The following ST14 variants were observed in gnomAD, a reference collection of about 807,000 sequenced individuals.
ST14 encodes the protein suppressor of tumorigenicity 14 protein.
ST14 carries 40 observed loss-of-function variants against 96.5 expected under a neutral mutation model. The ratio of observed to expected loss-of-function variants is 0.41; its 90% CI spans 0.32 to 0.54. ST14 has a LOEUF of 0.54. Ranked by LOEUF, ST14 falls within the 20% of genes least tolerant of loss-of-function variation. ST14 has a pLI of 0.17. For missense variants in ST14, 1,066 were observed against 1,188.9 expected (o/e 0.90, Z 1.52); for synonymous variants, 506 against 492.1 (o/e 1.03, Z -0.37).
chr11:130,188,962 G>C lies in ST14; in HGVS notation c.440+23G>C, dbSNP rs775669081. 1.2e-6 allele frequency: 2 copies of C among 1,600,512 alleles called. No homozygotes were observed. Among genetic ancestry groups the C allele is most frequent in the African/African-American group, 2.7e-5 (2 of 74,870 alleles). On this transcript the variant is annotated intron_variant, in intron 4 of 18. Coordinates refer to ENST00000278742, the MANE Select transcript of ST14 (RefSeq NM_021978.4). The surrounding 1 kb of genome is among the most constrained non-coding windows in gnomAD (Gnocchi z 5.4). The stretch of plus-strand genomic sequence containing the variant: ...CAGGTGGGTGTGGAGAGAAGGCTCA[G>C]TGGGATGCACCCCAGACTGGCTGGG...
In ST14 at chr11:130,181,755, A is replaced by G. The variant is rs1171058693; in HGVS notation, c.82-6359A>G. ...TCTTTCATCCTCAGTGTTCTTATCA[A>G]TAAAACGATGGGATTATGCAACAGT... On this transcript the variant is annotated intron_variant, in intron 1 of 18. Coordinates refer to ENST00000278742, the MANE Select transcript of ST14 (RefSeq NM_021978.4). This position sits in a 1 kb window ranked among gnomAD's most constrained non-coding sequence, Gnocchi z 4.1. Among the ~76,000 whole-genome samples, 1 of 152,214 alleles carries G rather than the reference A, an allele frequency of 6.6e-6. No individual in the cohort carries two copies. The highest frequency in any genetic ancestry group is 2.4e-5 in the African/African-American group (1 of 41,456).
At chr11:130,174,183 A>G (rs1053791959) in intron 1 of ST14, among the ~76,000 whole-genome samples, 1 of 151,756 alleles carries the variant, frequency 6.6e-6, no homozygotes, top group Admixed American at 6.6e-5. Flanking sequence ...CTGCTTTTCC[A>G]CCTCTGAGGT....
At position 130,200,076 on chromosome 11, in the gene ST14, C is replaced by T. The variant is rs200644856; in HGVS notation, c.1933C>T (p.Leu645Phe). ...LGQGHICGAS[L>F]ISPNWLVSAA... ...CCAGGGCCACATCTGCGGTGCTTCC[C>T]TCATCTCTCCCAACTGGCTGGTCTC... The change falls in exon 16 of 19, where the codon CTC becomes TTC. Residue 645 changes from leucine (L) to phenylalanine (F), a missense_variant. By Grantham distance (22) the Leu-to-Phe change is conservative. Coordinates refer to ENST00000278742, the MANE Select transcript of ST14 (RefSeq NM_021978.4). 95 of 1,614,126 alleles carry T rather than the reference C, an allele frequency of 5.9e-5. No homozygotes were observed. The highest frequency in any genetic ancestry group is 7.5e-5 in the Non-Finnish European group (89 of 1,180,052).
chr11:130,197,996 C>T, intron 12 of ST14, 51 bp downstream of exon 12: 1 of 1,517,640 alleles, frequency 6.6e-7, no homozygotes, highest in Non-Finnish European at 8.9e-7. Flanking sequence ...CCCACCCTGC[C>T]CGCGTCCCAT....
At chr11:130,197,764 G>A in intron 11 of ST14, 77 bp from the exon 12 acceptor site, 1 of 1,285,154 alleles carries the variant, frequency 7.8e-7, no homozygotes, top group South Asian at 1.4e-5. Context: ...TGGGAGGTTG[G>A]CCCGAGGGAG....
intron 14 of ST14, 77 bp from the exon 15 acceptor site, chr11:130,198,860 GGCCATGAGGC>G (rs758775184): frequency 4.7e-5 from 75 of 1,608,466 alleles, no homozygotes; most frequent in Non-Finnish European, 6.2e-5. Flanking sequence ...AATGTGCAGG[GGCCATGAGGC>G]GCCATTGGTG....
At chr11:130,200,168 C>A in intron 16 of ST14, 31 bp downstream of exon 16, 1 of 1,611,208 alleles carries the variant, frequency 6.2e-7, no homozygotes, top group Non-Finnish European at 8.5e-7. Context: ...CAGGGAGCCT[C>A]CTTGCTGGCC....
At chr11:130,205,725 G>A (rs557869530) in intron 16 of ST14, among the ~76,000 whole-genome samples, 4 of 92,398 alleles carry the variant, frequency 4.3e-5, no homozygotes, top group African/African-American at 1.6e-4. Context: ...TTTTTTTTGA[G>A]ACGCACTCTT....
At chr11:130,202,938 T>A (rs551518490) in intron 16 of ST14, among the ~76,000 whole-genome samples, 1 of 152,274 alleles carries the variant, frequency 6.6e-6, no homozygotes, top group East Asian at 1.9e-4. Context: ...CCAACTGCAC[T>A]CCAGCCCCTG....
chr11:130,200,146 C>T lies in ST14; in HGVS notation c.1994+9C>T. 1 of 1,613,984 alleles carries T rather than the reference C, an allele frequency of 6.2e-7. No individual in the cohort carries two copies. Among genetic ancestry groups the T allele is most frequent in the South Asian group, 1.1e-5 (1 of 91,046 alleles). ...GATGACAGAGGATTCAGGTGGGTCT[C>T]TGGGTGGGCAGCAGGGAGCCTCCTT... On this transcript the variant is annotated intron_variant, in intron 16 of 18. Transcript: ENST00000278742.
intron 1 of ST14, among the ~76,000 whole-genome samples, chr11:130,169,657 G>A (rs1953072437): frequency 6.6e-6 from 1 of 152,184 alleles, no homozygotes; most frequent in African/African-American, 2.4e-5. Flanking sequence ...TGATACTGCT[G>A]TTGTGGTATT....
At chr11:130,176,475 A>G (rs1240846453) in intron 1 of ST14, among the ~76,000 whole-genome samples, 1 of 147,466 alleles carries the variant, frequency 6.8e-6, no homozygotes, top group Non-Finnish European at 1.5e-5. Context: ...TGCAAGCTCC[A>G]CTTCCCGGGT....
At chr11:130,193,488 T>C (rs1264037155) in intron 7 of ST14, among the ~76,000 whole-genome samples, 1 of 151,900 alleles carries the variant, frequency 6.6e-6, no homozygotes, top group Non-Finnish European at 1.5e-5. Context: ...TTTTTTTTTT[T>C]TCTGACAGTC....
At chr11:130,208,340 G>A (rs991308128) in intron 16 of ST14, 70 bp from the exon 17 acceptor site, 3 of 1,606,976 alleles carry the variant, frequency 1.9e-6, no homozygotes, top group Non-Finnish European at 1.7e-6. Context: ...CTCTGGGAAC[G>A]CGCGGGGCCG....
chr11:130,187,097 G>T lies in ST14; in HGVS notation c.82-1017G>T, dbSNP rs191758770. ...TCGAATTACGAGATCACCACCAGAA[G>T]AATGACATCAGGAAACTGTCAAAAG... On this transcript the variant is annotated intron_variant, in intron 1 of 18. Transcript: ENST00000278742. The surrounding 1 kb of genome is among the most constrained non-coding windows in gnomAD (Gnocchi z 4.5). Among the ~76,000 whole-genome samples, 1 of 152,328 alleles carries T rather than the reference G, an allele frequency of 6.6e-6. No homozygotes were observed. The highest frequency in any genetic ancestry group is 1.9e-4 in the East Asian group (1 of 5,186).
In ST14 at chr11:130,200,174, T is replaced by C; in HGVS notation, c.1994+37T>C. 3 of 1,610,572 alleles carry C rather than the reference T, an allele frequency of 1.9e-6. No homozygotes were observed. The East Asian group carries it at 6.7e-5, about 36-fold the overall frequency. On this transcript the variant is annotated intron_variant, in intron 16 of 18. Coordinates refer to ENST00000278742, the MANE Select transcript of ST14 (RefSeq NM_021978.4). ...GGTGGGCAGCAGGGAGCCTCCTTGC[T>C]GGCCCTTTGCATCTGGGAGTAATGC...
chr11:130,204,537 C>A (rs1953466842), intron 16 of ST14, among the ~76,000 whole-genome samples: 1 of 152,070 alleles, frequency 6.6e-6, no homozygotes. Context: ...GGGGGCCTGG[C>A]GCGGTGGCTC....
At chr11:130,179,333 G>A (rs572461012) in intron 1 of ST14, among the ~76,000 whole-genome samples, 16 of 152,198 alleles carry the variant, frequency 1.1e-4, no homozygotes, top group African/African-American at 3.4e-4. Context: ...TGGGGGTTGC[G>A]ATCAATGGGA....
At position 130,163,675 on chromosome 11, in the gene ST14, G is replaced by T. The variant is rs80021609; in HGVS notation, c.81+3615G>T. ...AGGAAGCTAGGATTGTCCTGTAGGT[G>T]GGGCTTCAGCTGCTGGAGTGGACCG... On this transcript the variant is annotated intron_variant, in intron 1 of 18. Transcript: ENST00000278742. 4.1e-3 allele frequency among the ~76,000 whole-genome samples: 629 copies of T among 152,320 alleles called. 17 individuals are homozygous for T. In the East Asian group the frequency reaches 0.059, roughly 14 times the overall value.
Sources: allele counts gnomAD v4.1 joint callset (sites outside exome capture counted in the v4.1 genomes callset), GRCh38; gene constraint gnomAD v4.1.1; non-coding constraint Gnocchi (gnomAD v3.1); transcripts MANE v1.5; gene names NCBI Gene and HGNC (gene_info 2026-07-23, HGNC 2026-07-21).